The following VRK2 variants were observed in gnomAD, a reference collection of about 807,000 sequenced individuals.
VRK2 encodes the protein serine/threonine-protein kinase VRK2.
A neutral mutation model predicts 57.6 loss-of-function variants in VRK2; 60 were observed. That is an observed-to-expected ratio of 1.04 (90% CI 0.85 to 1.29). The LOEUF (loss-of-function observed/expected upper bound fraction) is 1.29. Ranked by LOEUF, VRK2 falls within the 50% of genes most tolerant of loss-of-function variation. The pLI is 0.00. For missense variants in VRK2, 705 were observed against 588.1 expected, an observed-to-expected ratio of 1.20 and a Z score of -2.06; for synonymous variants, 231 against 199.2, an observed-to-expected ratio of 1.16 and a Z score of -1.35.
intron 9 of VRK2, among the ~76,000 whole-genome samples, chr2:58,132,527 G>A (rs1679365265): frequency 6.6e-6 from 1 of 152,170 alleles, no homozygotes; most frequent in African/African-American, 2.4e-5. Context: ...TAAGAACAGG[G>A]TGTGTTACTG....
At chr2:58,146,497 T>C in intron 12 of VRK2, 23 bp downstream of exon 12, 2 of 1,595,164 alleles carry the variant, frequency 1.3e-6, no homozygotes, top group Non-Finnish European at 1.7e-6. Context: ...TTTGTGTGTG[T>C]TTTTTCTAAC....
chr2:58,095,651 A>C (rs1468050209), intron 7 of VRK2, among the ~76,000 whole-genome samples: 1 of 152,010 alleles, frequency 6.6e-6, no homozygotes, highest in Admixed American at 6.5e-5. Flanking sequence ...TGTGGTTCAG[A>C]GTGGTTTTAG....
At chr2:58,025,785 T>G (rs954702792) in intron 2 of VRK2, 1 of 152,230 alleles carries the variant, frequency 6.6e-6, no homozygotes, top group East Asian at 1.9e-4. Flanking sequence ...GTGGCCTTTA[T>G]AGAAAAGGTA....
At chr2:58,069,514 G>A (rs1039823874) in intron 2 of VRK2, among the ~76,000 whole-genome samples, 3 of 152,034 alleles carry the variant, frequency 2.0e-5, no homozygotes, top group African/African-American at 4.8e-5. Context: ...TTTATTTACC[G>A]TGCCTTGCCA....
intron 1 of VRK2, among the ~76,000 whole-genome samples, chr2:58,014,637 G>A (rs1277151072): frequency 2.6e-5 from 4 of 152,126 alleles, no homozygotes; most frequent in African/African-American, 9.7e-5. Context: ...AATATGCTTT[G>A]GGTACTTAGA....
chr2:57,925,093 G>T (rs1670487602), intron 1 of VRK2, among the ~76,000 whole-genome samples: 2 of 151,866 alleles, frequency 1.3e-5, no homozygotes, highest in African/African-American at 4.8e-5. Flanking sequence ...TTTTTAATGT[G>T]TTGTTGAATT....
At chr2:57,975,532 T>C (rs1218431065) in intron 1 of VRK2, among the ~76,000 whole-genome samples, 2 of 152,084 alleles carry the variant, frequency 1.3e-5, no homozygotes, top group Middle Eastern at 3.4e-3. Flanking sequence ...GGGGTACACG[T>C]GCATGTTTGT....
intron 1 of VRK2, among the ~76,000 whole-genome samples, chr2:57,996,112 A>G (rs1672914964): frequency 6.6e-6 from 1 of 152,250 alleles, no homozygotes. Flanking sequence ...TGCATAAGTT[A>G]TATGCAAATA....
At chr2:58,126,725 T>C (rs1458366829) in intron 8 of VRK2, among the ~76,000 whole-genome samples, 2 of 152,126 alleles carry the variant, frequency 1.3e-5, no homozygotes, top group Non-Finnish European at 2.9e-5. Flanking sequence ...TAATATATGT[T>C]GGGCTTATTT....
At chr2:57,951,074 G>A (rs1671413237) in intron 1 of VRK2, among the ~76,000 whole-genome samples, 1 of 152,036 alleles carries the variant, frequency 6.6e-6, no homozygotes, top group Admixed American at 6.6e-5. Context: ...CCTGGTGACA[G>A]AGCAAGACTC....
At chr2:58,117,444 G>T (rs1273852862) in intron 7 of VRK2, among the ~76,000 whole-genome samples, 1 of 152,016 alleles carries the variant, frequency 6.6e-6, no homozygotes, top group East Asian at 1.9e-4. Flanking sequence ...TTGGGACCTA[G>T]CTTGGCCTGG....
At chr2:58,034,106 T>C (rs1674200697) in intron 3 of VRK2, among the ~76,000 whole-genome samples, 2 of 152,060 alleles carry the variant, frequency 1.3e-5, no homozygotes, top group Admixed American at 6.6e-5. Flanking sequence ...CTCTTCTTAG[T>C]AGCTAGTCTT....
intron 10 of VRK2, among the ~76,000 whole-genome samples, chr2:58,137,224 C>CAT (rs147019487): frequency 0.45 from 28,928 of 64,916 alleles, 6,959 homozygotes; most frequent in Middle Eastern, 0.5. Flanking sequence ...ACATATATAT[C>CAT]ATATGATACA....
At chr2:57,948,367 T>G (rs190908401) in intron 1 of VRK2, among the ~76,000 whole-genome samples, 1 of 152,272 alleles carries the variant, frequency 6.6e-6, no homozygotes, top group Non-Finnish European at 1.5e-5. Flanking sequence ...TATAAGCCAT[T>G]TGGGGGAAGG....
At chr2:58,074,706 T>A (rs1669844938) in intron 2 of VRK2, among the ~76,000 whole-genome samples, 1 of 152,122 alleles carries the variant, frequency 6.6e-6, no homozygotes, top group East Asian at 1.9e-4. Flanking sequence ...ATTTATTTCC[T>A]CTCTGGCACG....
intron 2 of VRK2, among the ~76,000 whole-genome samples, chr2:58,071,939 T>G (rs1669415792): frequency 6.6e-6 from 1 of 151,996 alleles, no homozygotes; most frequent in Non-Finnish European, 1.5e-5. Flanking sequence ...CATATCATGA[T>G]GAAGATTTTC....
intron 6 of VRK2, among the ~76,000 whole-genome samples, chr2:58,088,664 G>A (rs185490024): frequency 3.3e-5 from 5 of 152,288 alleles, no homozygotes; most frequent in Admixed American, 3.3e-4. Context: ...TTAGGCTTTG[G>A]TTCTCCAGTC....
intron 1 of VRK2, among the ~76,000 whole-genome samples, chr2:57,922,441 CAT>C (rs534193384): frequency 6.5e-4 from 91 of 140,850 alleles, no homozygotes; most frequent in South Asian, 3.2e-3. Context: ...CATCACCTCA[CAT>C]AGTTACCTTC....
chr2:57,928,727 A>T (rs1408585142), intron 1 of VRK2, among the ~76,000 whole-genome samples: 1 of 152,138 alleles, frequency 6.6e-6, no homozygotes, highest in African/African-American at 2.4e-5. Flanking sequence ...AAGTGTTATA[A>T]TCTATGTTTT....
Sources: gnomAD v4.1 joint callset for allele counts (sites outside exome capture counted in the v4.1 genomes callset) on GRCh38, gnomAD v4.1.1 for gene constraint, MANE v1.5 for transcripts, NCBI Gene and HGNC (gene_info 2026-07-23, HGNC 2026-07-21) for gene names.